The following ERG variants were observed in gnomAD, a reference collection of about 807,000 sequenced individuals.
ERG encodes the protein transcriptional regulator ERG.
ERG carries 9 observed loss-of-function variants against 55.3 expected under a neutral mutation model. The observed-to-expected ratio is 0.16, with a 90% CI of 0.10 to 0.28. The LOEUF (loss-of-function observed/expected upper bound fraction) is 0.28, where lower values mean the gene tolerates loss of function less well. Among genes scored for constraint, ERG ranks in the 10% least tolerant of loss-of-function variants. The pLI is 1.00. For synonymous variants in ERG, 223 were observed against 237.3 expected (o/e 0.94, Z 0.55); for missense variants, 434 against 631.6 (o/e 0.69, Z 3.35).
upstream of ERG, among the ~76,000 whole-genome samples, chr21:38,503,017 G>A (rs770771025): frequency 5.9e-5 from 9 of 152,088 alleles, no homozygotes; most frequent in African/African-American, 9.6e-5. Context: ...GAGCCACCAC[G>A]CCCGGCCAAT....
downstream of ERG, among the ~76,000 whole-genome samples, chr21:38,375,591 G>A (rs62217878): frequency 9.9e-5 from 15 of 152,086 alleles, no homozygotes; most frequent in African/African-American, 2.7e-4. Flanking sequence ...CCGACACACC[G>A]TGGAACAAAA....
chr21:38,520,874 C>T (rs9305652), intron 2 of ERG, among the ~76,000 whole-genome samples: 10,875 of 152,096 alleles, frequency 0.072, 553 homozygotes, highest in South Asian at 0.14. Flanking sequence ...GAGAGCAGAT[C>T]GGGATTTGTA....
rs974953818 is a variant in ERG at position 38,569,969 on chromosome 21, T to C, written c.-41+5693A>G. Among the ~76,000 whole-genome samples the C allele has an allele frequency of 9.2e-5, 14 of 152,298 alleles. No individual in the cohort carries two copies. The South Asian group carries it at 1.2e-3, about 14-fold the overall frequency. On this transcript the variant is annotated intron_variant, in intron 2 of 8. Coordinates refer to the ERG transcript ENST00000398897. ...ATAGTACTCCATTGGTGGAGTACAA[T>C]AGGTTTATGTATCCACTTTTCTGTA...
chr21:38,519,047 T>C (rs1457503666), intron 2 of ERG, among the ~76,000 whole-genome samples: 1 of 152,218 alleles, frequency 6.6e-6, no homozygotes, highest in Non-Finnish European at 1.5e-5. Context: ...TTCTACTTCA[T>C]TAGTAAAGCA....
In ERG at chr21:38,498,414, TTAA is replaced by T; in HGVS notation, c.-37_-35del. The T allele has an allele frequency of 1.3e-6, 2 of 1,598,698 alleles. No homozygotes were observed. The highest frequency in any genetic ancestry group is 1.7e-5 in the Admixed American group (1 of 58,674). On this transcript the variant is annotated 5_prime_UTR_variant, in exon 1 of 10. Coordinates refer to ENST00000288319, the MANE Select transcript of ERG (RefSeq NM_182918.4). The surrounding 1 kb of genome is among the most constrained non-coding windows in gnomAD (Gnocchi z 4.6). ...CAAGTTTATTGATCGTTAATAAATG[TTAA>T]TAATAATTATTGCTTCTCTCTGACC...
Position 38,395,701 on chromosome 21 carries a change from G to A in ERG, c.746-3257C>T, listed in dbSNP as rs192582284. On this transcript the variant is annotated intron_variant, in intron 6 of 9. Coordinates refer to ENST00000288319, the MANE Select transcript of ERG (RefSeq NM_182918.4). ...GAAGCTACAAATAGGGACTCGGCTA[G>A]TGCTGACCACTACACACCAGCAACT... The A allele has an allele frequency of 2.0e-3, 337 of 171,130 alleles. 2 individuals are homozygous for A. Among genetic ancestry groups the A allele is most frequent in the African/African-American group, 7.6e-3 (320 of 42,176 alleles). 10.6% of individuals were successfully genotyped at this position (171,130 alleles called of 1,614,324 possible).
rs751972411 is a variant in ERG at position 38,400,635 on chromosome 21, A to T, written c.684T>A (p.Ala228=). 6.2e-7 allele frequency: 1 copy of T among 1,603,958 alleles called. No individual in the cohort carries two copies. Among genetic ancestry groups the T allele is most frequent in the South Asian group, 1.1e-5 (1 of 90,882 alleles). ...LMHARNTGGA[A]FIFPNTSVYP... ...ATACTGAAGTATTTGGGAAAATAAA[A>T]GCTGCACCCCCTGCAGACAAAAGGA... The change falls in exon 6 of 10, where the codon GCT becomes GCA. Residue 228 remains alanine, a synonymous_variant. Coordinates refer to ENST00000288319, the MANE Select transcript of ERG (RefSeq NM_182918.4).
chr21:38,474,258 G>A (rs2059167038), intron 1 of ERG: 1 of 151,732 alleles, frequency 6.6e-6, no homozygotes, highest in South Asian at 2.1e-4. Context: ...TTCTCGACAG[G>A]AAATGGCAAA....
At chr21:38,645,033 C>T (rs2060447639) in intron 1 of ERG, among the ~76,000 whole-genome samples, 1 of 152,094 alleles carries the variant, frequency 6.6e-6, no homozygotes, top group South Asian at 2.1e-4. Flanking sequence ...GCAGCATGCA[C>T]TTGTAGTCCC....
At chr21:38,659,270 T>C (rs538437667) in intron 1 of ERG, among the ~76,000 whole-genome samples, 19 of 152,398 alleles carry the variant, frequency 1.2e-4, no homozygotes, top group African/African-American at 4.3e-4. Flanking sequence ...CAAGTTTACA[T>C]AGCTCACCGT....
chr21:38,543,865 T>C (rs1488067552), intron 2 of ERG, among the ~76,000 whole-genome samples: 1 of 151,732 alleles, frequency 6.6e-6, no homozygotes, highest in Non-Finnish European at 1.5e-5. Context: ...GCCTCCCAAG[T>C]AGCTGGGACT....
At chr21:38,448,352 A>G (rs566175275) in intron 1 of ERG, among the ~76,000 whole-genome samples, 26 of 152,320 alleles carry the variant, frequency 1.7e-4, no homozygotes, top group African/African-American at 6.0e-4. Flanking sequence ...ATAATTCAGA[A>G]TATTGAAAGC....
In ERG at chr21:38,380,737, G is replaced by A; in HGVS notation, c.*2666C>T. The A allele has an allele frequency of 9.4e-7, 1 of 1,065,058 alleles. No homozygotes were observed. The highest frequency in any genetic ancestry group is 1.1e-6 in the Non-Finnish European group (1 of 879,126). 66.0% of individuals were successfully genotyped at this position (1,065,058 alleles called of 1,614,324 possible). ...ATTATCCCAGTTGCTCATAAGACTT[G>A]CTAATAACCTGGACTGGGGGTGGAG... On this transcript the variant is annotated 3_prime_UTR_variant, in exon 10 of 10. Transcript: ENST00000288319.
the ERG span, among the ~76,000 whole-genome samples, chr21:38,373,221 G>T: frequency 6.6e-6 from 1 of 152,214 alleles, no homozygotes; most frequent in African/African-American, 2.4e-5. Flanking sequence ...CCCATTGCTT[G>T]TGAATCCTAT....
chr21:38,655,277 A>C (rs2060511948), intron 1 of ERG, among the ~76,000 whole-genome samples: 2 of 151,994 alleles, frequency 1.3e-5, no homozygotes, highest in Admixed American at 1.3e-4. Context: ...CCTTCCTCTG[A>C]ACCCTGAGAC....
intron 2 of ERG, among the ~76,000 whole-genome samples, chr21:38,559,025 ATGCACAGGGCAGAACCGG>A (rs1200745059): frequency 6.6e-6 from 1 of 152,230 alleles, no homozygotes; most frequent in East Asian, 1.9e-4. Flanking sequence ...TCTCTTTTGC[ATGCACAGGGCAGAACCGG>A]TGCCTCAGGC....
chr21:38,518,766 A>C (rs2059572131), intron 2 of ERG, among the ~76,000 whole-genome samples: 1 of 152,152 alleles, frequency 6.6e-6, no homozygotes, highest in Non-Finnish European at 1.5e-5. Flanking sequence ...GAGTAAAGGA[A>C]AGACTAATAA....
intron 2 of ERG, among the ~76,000 whole-genome samples, chr21:38,531,232 C>A (rs1461819512): frequency 2.0e-5 from 3 of 152,180 alleles, no homozygotes; most frequent in Non-Finnish European, 4.4e-5. Flanking sequence ...TTCAAAGTGA[C>A]CTTCCCTCCA....
Position 38,536,822 on chromosome 21 carries a change from C to T in ERG, c.-41+38840G>A, listed in dbSNP as rs1000748157. ...AATTTCTTTTTGCAAGTTAAGTCTT[C>T]GCATAACCAAAACAGAAAAGAACGT... On this transcript the variant is annotated intron_variant, in intron 2 of 8. Transcript: ENST00000398897. 1.2e-4 allele frequency among the ~76,000 whole-genome samples: 18 copies of T among 152,104 alleles called. No homozygotes were observed. The South Asian group carries it at 1.2e-3, about 11-fold the overall frequency.
Sources: gnomAD v4.1 joint callset for allele counts (sites outside exome capture counted in the v4.1 genomes callset) on GRCh38, gnomAD v4.1.1 for gene constraint, Gnocchi (gnomAD v3.1) non-coding constraint, MANE v1.5 for transcripts, NCBI Gene and HGNC (gene_info 2026-07-23, HGNC 2026-07-21) for gene names.